UGT2B7: variants seen among roughly 807,000 people sequenced by gnomAD.
The protein encoded by UGT2B7 is UDP glucuronosyltransferase family 2 member B7.
Under a neutral mutation model 51.9 loss-of-function variants are expected in UGT2B7, and 51 were observed. The ratio of observed to expected loss-of-function variants is 0.98; its 90% CI spans 0.78 to 1.24. The LOEUF (loss-of-function observed/expected upper bound fraction) is 1.24. UGT2B7 is among the 50% of genes most tolerant of loss of function. The pLI, the probability that UGT2B7 is intolerant of heterozygous loss-of-function variation, is 0.00. For synonymous variants in UGT2B7, 225 were observed against 211.6 expected, an observed-to-expected ratio of 1.06 and a Z score of -0.55; for missense variants, 727 against 628.4, an observed-to-expected ratio of 1.16 and a Z score of -1.68.
At chr4:69,077,094 T>C (rs575039217) in intron 1 of UGT2B7, among the ~76,000 whole-genome samples, 1 of 152,296 alleles carries the variant, frequency 6.6e-6, no homozygotes, top group East Asian at 1.9e-4. Context: ...TGGTTGTATA[T>C]GTGTGGTGTT....
intron 1 of UGT2B7, chr4:69,067,339 G>A (rs1718502299): frequency 1.3e-5 from 2 of 152,978 alleles, no homozygotes; most frequent in Admixed American, 1.3e-4. Context: ...CTCATATTGT[G>A]CATTGCTCAT....
At chr4:69,057,709 T>C (rs1439410035) in intron 1 of UGT2B7, among the ~76,000 whole-genome samples, 1 of 152,210 alleles carries the variant, frequency 6.6e-6, no homozygotes, top group Non-Finnish European at 1.5e-5. Flanking sequence ...TGCTGTGTTG[T>C]AACTGGCAGG....
chr4:69,062,186 G>A (rs1718362381), intron 1 of UGT2B7, among the ~76,000 whole-genome samples: 2 of 152,096 alleles, frequency 1.3e-5, no homozygotes. Flanking sequence ...ATCTGAGGTG[G>A]GACCAGGTCT....
intron 3 of UGT2B7, among the ~76,000 whole-genome samples, chr4:69,104,636 A>G (rs1560511251): frequency 6.6e-6 from 1 of 152,190 alleles, no homozygotes; most frequent in African/African-American, 2.4e-5. Context: ...ATGATCAAGA[A>G]TAAATTTATT....
chr4:69,069,154 C>T (rs1445815889), intron 1 of UGT2B7, among the ~76,000 whole-genome samples: 1 of 151,356 alleles, frequency 6.6e-6, no homozygotes, highest in African/African-American at 2.4e-5. Flanking sequence ...CAAACTAAGG[C>T]CATCCACTTT....
At chr4:69,080,604 C>G (rs2109873487) in intron 1 of UGT2B7, among the ~76,000 whole-genome samples, 1 of 151,510 alleles carries the variant, frequency 6.6e-6, no homozygotes, top group South Asian at 2.1e-4. Context: ...GCTTGTGGTT[C>G]TCTTCTTAGC....
intron 1 of UGT2B7, among the ~76,000 whole-genome samples, chr4:69,077,815 G>T (rs562569259): frequency 6.6e-6 from 1 of 152,120 alleles, no homozygotes; most frequent in Non-Finnish European, 1.5e-5. Context: ...CCAATACTAT[G>T]TTGAATAGAA....
At chr4:69,081,954 T>G (rs1286819558) in intron 1 of UGT2B7, among the ~76,000 whole-genome samples, 1 of 152,162 alleles carries the variant, frequency 6.6e-6, no homozygotes, top group Non-Finnish European at 1.5e-5. Context: ...ACATAATTTT[T>G]AAAATGGCAA....
intron 4 of UGT2B7, 69 bp downstream of exon 4, chr4:69,107,331 GAA>G: frequency 6.9e-7 from 1 of 1,442,902 alleles, no homozygotes; most frequent in East Asian, 2.4e-5. Context: ...AGTTCATCAT[GAA>G]ACAAGCTTAT....
At chr4:69,087,432 T>C (rs561520675) in intron 1 of UGT2B7, among the ~76,000 whole-genome samples, 4 of 152,128 alleles carry the variant, frequency 2.6e-5, no homozygotes, top group Admixed American at 2.0e-4. Context: ...AATAACTTTG[T>C]CTTTTTATCT....
upstream of UGT2B7, among the ~76,000 whole-genome samples, chr4:69,095,579 T>A (rs1284648452): frequency 6.6e-6 from 1 of 152,220 alleles, no homozygotes; most frequent in South Asian, 2.1e-4. Context: ...AGGGTCTGCA[T>A]AATTCTAGGA....
At chr4:69,074,260 G>A (rs751479958) in intron 1 of UGT2B7, among the ~76,000 whole-genome samples, 35 of 151,902 alleles carry the variant, frequency 2.3e-4, no homozygotes, top group Non-Finnish European at 5.0e-4. Context: ...AGAATCACTT[G>A]AGCTTCAGAG....
intron 1 of UGT2B7, among the ~76,000 whole-genome samples, chr4:69,055,024 G>A (rs79013872): frequency 0.012 from 1,773 of 143,334 alleles, 32 homozygotes; most frequent in African/African-American, 0.044. Flanking sequence ...AGCCTGATGC[G>A]TGTTATGACT....
chr4:69,052,849 C>T (rs60212682), intron 1 of UGT2B7, among the ~76,000 whole-genome samples: 3 of 151,922 alleles, frequency 2.0e-5, no homozygotes, highest in Non-Finnish European at 4.4e-5. Flanking sequence ...TAAAACATAC[C>T]TTTGGTAAAA....
intron 3 of UGT2B7, among the ~76,000 whole-genome samples, chr4:69,104,173 G>C (rs1254422879): frequency 6.6e-6 from 1 of 152,080 alleles, no homozygotes; most frequent in African/African-American, 2.4e-5. Context: ...TGTGATCACA[G>C]CTACTCGGGA....
chr4:69,057,652 A>G (rs564911110), intron 1 of UGT2B7, among the ~76,000 whole-genome samples: 3 of 152,356 alleles, frequency 2.0e-5, no homozygotes, highest in South Asian at 4.1e-4. Context: ...AGCAAAGTGT[A>G]GGAACAACCG....
chr4:69,080,152 CCT>C (rs1001513805), intron 1 of UGT2B7, among the ~76,000 whole-genome samples: 21 of 151,972 alleles, frequency 1.4e-4, no homozygotes, highest in African/African-American at 4.6e-4. Flanking sequence ...AATAAATGAC[CCT>C]GAGTCTCTGA....
chr4:69,080,981 GTAGA>G (rs572221449), intron 1 of UGT2B7, among the ~76,000 whole-genome samples: 84 of 152,188 alleles, frequency 5.5e-4, no homozygotes, highest in African/African-American at 2.0e-3. Context: ...AGATAGCTGA[GTAGA>G]TAGATAAATT....
At chr4:69,069,465 G>A (rs908805977) in intron 1 of UGT2B7, among the ~76,000 whole-genome samples, 2 of 151,666 alleles carry the variant, frequency 1.3e-5, no homozygotes, top group African/African-American at 4.8e-5. Flanking sequence ...GAAATCTTAT[G>A]CATGAAACAA....
Sources: allele counts gnomAD v4.1 joint callset (sites outside exome capture counted in the v4.1 genomes callset), GRCh38; gene constraint gnomAD v4.1.1; transcripts MANE v1.5; gene names NCBI Gene and HGNC (gene_info 2026-07-23, HGNC 2026-07-21).